Variants in ROBO1 observed in about 807,000 individuals in gnomAD.
ROBO1 encodes roundabout guidance receptor 1.
In ROBO1, 149 loss-of-function variants were observed where a neutral mutation model predicts 195.9. The observed-to-expected ratio is 0.76, with a 90% CI of 0.67 to 0.87. The LOEUF (loss-of-function observed/expected upper bound fraction) is 0.87. ROBO1 is among the 40% of genes least tolerant of loss of function. The pLI is 0.00. For missense variants in ROBO1, 1,933 were observed against 2,068.3 expected (o/e 0.93, Z 1.27); for synonymous variants, 816 against 733.2 (o/e 1.11, Z -1.82).
chr3:78,967,517 C>T (rs951951963), intron 3 of ROBO1, among the ~76,000 whole-genome samples: 2 of 152,088 alleles, frequency 1.3e-5, no homozygotes, highest in Non-Finnish European at 2.9e-5. Flanking sequence ...GAGAAAGAAA[C>T]TGGGCACTGA....
At chr3:78,875,601 G>A (rs547695972) in intron 4 of ROBO1, among the ~76,000 whole-genome samples, 1 of 151,844 alleles carries the variant, frequency 6.6e-6, no homozygotes, top group Non-Finnish European at 1.5e-5. Flanking sequence ...TTTACAAAAC[G>A]TCCACCAGTC....
At chr3:79,225,631 G>A (rs1210944153) in intron 2 of ROBO1, among the ~76,000 whole-genome samples, 2 of 152,132 alleles carry the variant, frequency 1.3e-5, no homozygotes, top group African/African-American at 4.8e-5. Flanking sequence ...GTGTATTTCA[G>A]GGGCTGGCTA....
chr3:78,850,425 G>A (rs557481199), intron 4 of ROBO1, among the ~76,000 whole-genome samples: 1 of 151,978 alleles, frequency 6.6e-6, no homozygotes, highest in Non-Finnish European at 1.5e-5. Flanking sequence ...ATAACAAAGG[G>A]ATAAAGCAGT....
intron 1 of ROBO1, among the ~76,000 whole-genome samples, chr3:79,741,261 C>T (rs933971364): frequency 2.0e-5 from 3 of 152,148 alleles, no homozygotes; most frequent in Non-Finnish European, 2.9e-5. Context: ...CTGGTGTTAA[C>T]GATTATATCC....
chr3:79,313,906 G>A (rs2033611248), intron 2 of ROBO1, among the ~76,000 whole-genome samples: 1 of 152,092 alleles, frequency 6.6e-6, no homozygotes, highest in Admixed American at 6.5e-5. Flanking sequence ...AGACACTTGA[G>A]GCAAGCAATA....
chr3:79,089,584 C>T (rs2079438220), intron 3 of ROBO1, among the ~76,000 whole-genome samples: 1 of 152,086 alleles, frequency 6.6e-6, no homozygotes, highest in South Asian at 2.1e-4. Flanking sequence ...AAAGAGAACA[C>T]ACATTTCATA....
chr3:79,662,749 T>C (rs185847249), intron 1 of ROBO1, among the ~76,000 whole-genome samples: 1 of 152,158 alleles, frequency 6.6e-6, no homozygotes, highest in East Asian at 1.9e-4. Context: ...AAGGTTGCCA[T>C]GGAACAATGG....
In ROBO1 at chr3:79,644,456, A is replaced by G. The variant is rs1021959393; in HGVS notation, c.-50-54495T>C. On this transcript the variant is annotated intron_variant, in intron 1 of 30. Transcript: ENST00000464233. ...TCCATGTGGCTGGGGAAGCCTCACA[A>G]TGATGGCAGAAGGCAAAAAGCAGCA... is the stretch of plus-strand genomic sequence containing the variant. Among the ~76,000 whole-genome samples, 3 of 152,318 alleles carry G rather than the reference A, an allele frequency of 2.0e-5. No homozygotes were observed. The South Asian group carries it at 6.2e-4, about 32-fold the overall frequency.
intron 3 of ROBO1, among the ~76,000 whole-genome samples, chr3:78,972,332 C>T (rs143609758): frequency 2.6e-5 from 4 of 152,280 alleles, no homozygotes; most frequent in Non-Finnish European, 4.4e-5. Context: ...ACCAGGTCAA[C>T]GCTACATAGT....
At chr3:78,957,600 C>A (rs995014454) in intron 3 of ROBO1, among the ~76,000 whole-genome samples, 3 of 152,126 alleles carry the variant, frequency 2.0e-5, no homozygotes, top group African/African-American at 7.2e-5. Context: ...ATGTGAAAAG[C>A]CTGAGTGAGA....
intron 4 of ROBO1, among the ~76,000 whole-genome samples, chr3:78,788,440 T>TTAA (rs1553728992): frequency 7.5e-4 from 57 of 75,734 alleles, no homozygotes; most frequent in East Asian, 1.6e-3. Context: ...TTTTTTTTTT[T>TTAA]AAAAAAAAAA....
intron 2 of ROBO1, among the ~76,000 whole-genome samples, chr3:79,199,688 T>C (rs1468447597): frequency 1.3e-5 from 2 of 151,798 alleles, no homozygotes; most frequent in Non-Finnish European, 2.9e-5. Flanking sequence ...CACATATTTT[T>C]AGAATGTTAC....
intron 4 of ROBO1, among the ~76,000 whole-genome samples, chr3:78,895,365 TA>T (rs2037167092): frequency 6.6e-6 from 1 of 152,206 alleles, no homozygotes; most frequent in African/African-American, 2.4e-5. Flanking sequence ...GAGCAGGTTG[TA>T]ATCAATTTTA....
At chr3:79,117,709 G>T (rs1394438373) in intron 3 of ROBO1, among the ~76,000 whole-genome samples, 1 of 152,144 alleles carries the variant, frequency 6.6e-6, no homozygotes, top group African/African-American at 2.4e-5. Flanking sequence ...GCAATGTAAA[G>T]TAACAGTAAA....
chr3:79,361,860 T>G (rs1340263062), intron 2 of ROBO1, among the ~76,000 whole-genome samples: 1 of 152,040 alleles, frequency 6.6e-6, no homozygotes, highest in Non-Finnish European at 1.5e-5. Flanking sequence ...AGATGCATAA[T>G]TAGAAAATTT....
chr3:79,508,260 AAT>A (rs1940515666), intron 2 of ROBO1, among the ~76,000 whole-genome samples: 2 of 150,828 alleles, frequency 1.3e-5, no homozygotes, highest in Admixed American at 6.6e-5. Context: ...TAATAATAAA[AAT>A]CAAAAAGAAG....
At chr3:79,689,318 C>T (rs779444686) in intron 1 of ROBO1, among the ~76,000 whole-genome samples, 2 of 151,938 alleles carry the variant, frequency 1.3e-5, no homozygotes, top group African/African-American at 2.4e-5. Context: ...TAATTAGACG[C>T]GATGACTTAT....
At chr3:78,604,053 A>T (rs563627909) in intron 29 of ROBO1, among the ~76,000 whole-genome samples, 48 of 151,672 alleles carry the variant, frequency 3.2e-4, no homozygotes, top group Non-Finnish European at 5.4e-4. Context: ...TTAATTTTTT[A>T]AAATATTTAT....
At chr3:79,459,080 T>C (rs2039713512) in intron 2 of ROBO1, among the ~76,000 whole-genome samples, 3 of 152,186 alleles carry the variant, frequency 2.0e-5, no homozygotes, top group Admixed American at 1.3e-4. Flanking sequence ...ACTATGATTA[T>C]GTTGGTAATT....
Sources: gnomAD v4.1 joint callset for allele counts (sites outside exome capture counted in the v4.1 genomes callset) on GRCh38, gnomAD v4.1.1 for gene constraint, MANE v1.5 for transcripts, NCBI Gene and HGNC (gene_info 2026-07-23, HGNC 2026-07-21) for gene names.